Variants in WWOX observed in about 807,000 individuals in gnomAD.
WWOX encodes the protein WW domain containing oxidoreductase, also known as WW domain-containing oxidoreductase.
WWOX carries 69 observed loss-of-function variants against 46.2 expected under a neutral mutation model. That is an observed-to-expected ratio of 1.49 (90% confidence interval 1.23 to 1.82). The LOEUF is 1.82. Ranked by LOEUF, WWOX falls within the 40% of genes most tolerant of loss-of-function variation. The probability of loss-of-function intolerance (pLI) is 0.00; values close to 1 mark genes in which losing one functional copy is unlikely to be tolerated. For missense variants in WWOX, 919 were observed against 542.6 expected (o/e 1.69, Z -6.89); for synonymous variants, 359 against 202.6 (o/e 1.77, Z -6.56).
At chr16:79,189,313 A>G (rs1226284116) in intron 8 of WWOX, among the ~76,000 whole-genome samples, 1 of 151,708 alleles carries the variant, frequency 6.6e-6, no homozygotes, top group East Asian at 1.9e-4. Context: ...GCTGGAGTAC[A>G]GTGTCACCAT....
chr16:78,542,374 G>A (rs886901220), intron 8 of WWOX, among the ~76,000 whole-genome samples: 1 of 152,170 alleles, frequency 6.6e-6, no homozygotes, highest in Non-Finnish European at 1.5e-5. Flanking sequence ...TTAGGAGAGA[G>A]AGGCAATCAG....
intron 8 of WWOX, among the ~76,000 whole-genome samples, chr16:78,682,635 C>T (rs1445384944): frequency 6.6e-6 from 1 of 152,074 alleles, no homozygotes; most frequent in Non-Finnish European, 1.5e-5. Flanking sequence ...TCCCAGCAGT[C>T]TGTGAGACTG....
chr16:78,222,741 T>C (rs1193016780), intron 5 of WWOX, among the ~76,000 whole-genome samples: 2 of 152,206 alleles, frequency 1.3e-5, no homozygotes, highest in Non-Finnish European at 2.9e-5. Flanking sequence ...CATGGTGAAT[T>C]TGTAATATTA....
intron 7 of WWOX, among the ~76,000 whole-genome samples, chr16:78,426,417 C>T (rs989441804): frequency 6.6e-6 from 1 of 152,178 alleles, no homozygotes; most frequent in Non-Finnish European, 1.5e-5. Flanking sequence ...ATCTGTATCT[C>T]AAATGGTATT....
chr16:78,122,745 C>T (rs1267471034), intron 4 of WWOX, among the ~76,000 whole-genome samples: 1 of 151,956 alleles, frequency 6.6e-6, no homozygotes, highest in East Asian at 1.9e-4. Flanking sequence ...GCTGGGATTA[C>T]AGGCGTGAGC....
intron 8 of WWOX, among the ~76,000 whole-genome samples, chr16:78,858,261 G>C (rs1464495752): frequency 6.7e-6 from 1 of 148,416 alleles, no homozygotes; most frequent in Non-Finnish European, 1.5e-5. Flanking sequence ...CTTTAGTGGC[G>C]ATTTATCAGA....
intron 8 of WWOX, among the ~76,000 whole-genome samples, chr16:79,010,099 C>G (rs147977873): frequency 1.2e-3 from 176 of 152,330 alleles, no homozygotes; most frequent in African/African-American, 3.8e-3. Context: ...CCATGTCCCT[C>G]TGTTCCCACT....
At chr16:78,585,383 T>G (rs2045171246) in intron 8 of WWOX, among the ~76,000 whole-genome samples, 1 of 152,166 alleles carries the variant, frequency 6.6e-6, no homozygotes, top group Non-Finnish European at 1.5e-5. Context: ...TTCTTTATCT[T>G]TGGGGATCGG....
intron 8 of WWOX, among the ~76,000 whole-genome samples, chr16:78,645,847 G>A (rs2046827043): frequency 6.6e-6 from 1 of 152,078 alleles, no homozygotes; most frequent in African/African-American, 2.4e-5. Context: ...GCTGGGCTCT[G>A]GGGGCTTCTG....
Position 79,117,083 on chromosome 16 carries a change from C to A in WWOX, c.1057-94525C>A, listed in dbSNP as rs146677176. On this transcript the variant is annotated intron_variant, in intron 8 of 8. Coordinates refer to ENST00000566780, the MANE Select transcript of WWOX (RefSeq NM_016373.4). ...TGTTATTGTTTTGAGACAGCCTGGT[C>A]TGGAATGCACTGGCATGACTGCAGC... Among the ~76,000 whole-genome samples the A allele has an allele frequency of 3.1e-3, 470 of 152,084 alleles. 1 individual carries two copies. Among genetic ancestry groups the A allele is most frequent in the African/African-American group, 0.011 (447 of 41,466 alleles).
intron 8 of WWOX, among the ~76,000 whole-genome samples, chr16:79,141,846 A>C (rs1436213671): frequency 1.3e-5 from 2 of 150,970 alleles, no homozygotes; most frequent in Non-Finnish European, 2.9e-5. Flanking sequence ...CATTAGGATG[A>C]CTCTTCAGTG....
intron 8 of WWOX, among the ~76,000 whole-genome samples, chr16:78,943,169 G>T (rs76286116): frequency 6.6e-6 from 1 of 152,222 alleles, no homozygotes; most frequent in Non-Finnish European, 1.5e-5. Flanking sequence ...TGTCATTTGA[G>T]TGCTTTCTAT....
chr16:78,825,793 C>T (rs771707731), intron 8 of WWOX: 2 of 593,616 alleles, frequency 3.4e-6, no homozygotes, highest in Non-Finnish European at 6.3e-6. Flanking sequence ...CTGTTGTGTG[C>T]CATGTGCTGC....
intron 5 of WWOX, among the ~76,000 whole-genome samples, chr16:78,221,353 G>GA (rs1309130932): frequency 6.6e-6 from 1 of 152,098 alleles, no homozygotes; most frequent in Non-Finnish European, 1.5e-5. Flanking sequence ...GAGGAAGAAG[G>GA]AAAAAGTGTA....
At chr16:78,685,276 C>G (rs2047828504) in intron 8 of WWOX, among the ~76,000 whole-genome samples, 2 of 152,122 alleles carry the variant, frequency 1.3e-5, no homozygotes, top group Non-Finnish European at 2.9e-5. Flanking sequence ...TCTAATGACT[C>G]AAGTGATGAG....
At chr16:78,227,075 C>G (rs1376672289) in intron 5 of WWOX, among the ~76,000 whole-genome samples, 4 of 152,206 alleles carry the variant, frequency 2.6e-5, no homozygotes, top group Non-Finnish European at 5.9e-5. Flanking sequence ...CTGATCCTCA[C>G]TGCTCTAATC....
At chr16:78,898,915 G>T (rs890263235) in intron 8 of WWOX, 1 of 151,876 alleles carries the variant, frequency 6.6e-6, no homozygotes, top group South Asian at 2.1e-4. Flanking sequence ...CCAACTGTTT[G>T]TTTCTAATAT....
At chr16:78,794,311 T>G (rs1173559508) in intron 8 of WWOX, among the ~76,000 whole-genome samples, 1 of 152,150 alleles carries the variant, frequency 6.6e-6, no homozygotes, top group Non-Finnish European at 1.5e-5. Context: ...AGAAATAAAT[T>G]TCTTTTTTTC....
At chr16:78,794,831 A>C (rs1567564633) in intron 8 of WWOX, among the ~76,000 whole-genome samples, 1 of 152,260 alleles carries the variant, frequency 6.6e-6, no homozygotes, top group Non-Finnish European at 1.5e-5. Context: ...CAGGGCACAG[A>C]ACTGCCAACT....
Sources: allele counts gnomAD v4.1 joint callset (sites outside exome capture counted in the v4.1 genomes callset), GRCh38; gene constraint gnomAD v4.1.1; transcripts MANE v1.5; gene names NCBI Gene and HGNC (gene_info 2026-07-23, HGNC 2026-07-21).